Variants in HACD2 observed in about 807,000 individuals in gnomAD.
HACD2 encodes the protein very-long-chain (3R)-3-hydroxyacyl-CoA dehydratase 2.
HACD2 carries 15 observed loss-of-function variants against 31.0 expected under a neutral mutation model. That is an observed-to-expected ratio of 0.48 (90% CI 0.32 to 0.75). The LOEUF (loss-of-function observed/expected upper bound fraction) is 0.75. HACD2 is among the 30% of genes least tolerant of loss of function. The pLI is 0.03. For synonymous variants in HACD2, 115 were observed against 122.2 expected, an observed-to-expected ratio of 0.94 and a Z score of 0.39; for missense variants, 283 against 313.0, an observed-to-expected ratio of 0.90 and a Z score of 0.72.
At chr3:123,561,778 G>GA (rs374502470) in intron 3 of HACD2, among the ~76,000 whole-genome samples, 4,787 of 145,118 alleles carry the variant, frequency 0.033, 86 homozygotes, top group Middle Eastern at 0.091. Context: ...CAGTATTACG[G>GA]AAAAAAAAAA....
At chr3:123,584,615 A>C in intron 1 of HACD2, 8 of 293,902 alleles carry the variant, frequency 2.7e-5, no homozygotes, top group East Asian at 5.8e-5. Flanking sequence ...CTCGCGAGCC[A>C]GCGCCCGGCA....
intron 4 of HACD2, among the ~76,000 whole-genome samples, chr3:123,522,348 A>AAAG (rs1553757550): frequency 4.7e-5 from 7 of 149,992 alleles, no homozygotes; most frequent in East Asian, 3.9e-4. Context: ...AAAAAAAAAA[A>AAAG]AGAGAGAGAG....
At chr3:123,498,177 C>T (rs984026757) in intron 6 of HACD2, among the ~76,000 whole-genome samples, 1 of 152,196 alleles carries the variant, frequency 6.6e-6, no homozygotes, top group Non-Finnish European at 1.5e-5. Flanking sequence ...GTCTGTGTGC[C>T]ATCTTGAACC....
chr3:123,575,244 G>A (rs1006305597), intron 2 of HACD2, among the ~76,000 whole-genome samples: 1 of 151,974 alleles, frequency 6.6e-6, no homozygotes, highest in Non-Finnish European at 1.5e-5. Flanking sequence ...CGAGTAGCTA[G>A]GACTAATATG....
intron 4 of HACD2, among the ~76,000 whole-genome samples, chr3:123,526,641 A>ACT (rs2056287757): frequency 6.6e-6 from 1 of 152,176 alleles, no homozygotes; most frequent in Admixed American, 6.5e-5. Context: ...TGAGTATATA[A>ACT]CAAATTACTG....
chr3:123,526,533 CTTT>C (rs368974799), intron 4 of HACD2, among the ~76,000 whole-genome samples: 1 of 142,412 alleles, frequency 7.0e-6, no homozygotes. Context: ...TTTTCTTTTC[CTTT>C]TTTTTTTTGG....
intron 3 of HACD2, among the ~76,000 whole-genome samples, chr3:123,552,252 G>C (rs2056627893): frequency 6.6e-6 from 1 of 152,166 alleles, no homozygotes; most frequent in South Asian, 2.1e-4. Context: ...AAACGGCATT[G>C]CTTCTAAGGA....
intron 4 of HACD2, among the ~76,000 whole-genome samples, chr3:123,509,751 G>A (rs528457964): frequency 7.9e-5 from 12 of 152,058 alleles, no homozygotes; most frequent in Admixed American, 2.0e-4. Flanking sequence ...CGCCCGCCTC[G>A]GCCTCCTAAA....
intron 3 of HACD2, among the ~76,000 whole-genome samples, chr3:123,554,440 A>ATGTGCT (rs2056653215): frequency 6.6e-6 from 1 of 152,126 alleles, no homozygotes; most frequent in Non-Finnish European, 1.5e-5. Context: ...GTCCAAGGCT[A>ATGTGCT]AAGTGTGCTA....
At chr3:123,545,758 C>T (rs1202796487) in intron 3 of HACD2, among the ~76,000 whole-genome samples, 6 of 149,866 alleles carry the variant, frequency 4.0e-5, no homozygotes, top group African/African-American at 1.5e-4. Context: ...GTCGCTCAGG[C>T]TGGAGTGCAG....
chr3:123,546,624 T>C, intron 3 of HACD2, among the ~76,000 whole-genome samples: 1 of 152,158 alleles, frequency 6.6e-6, no homozygotes, highest in East Asian at 1.9e-4. Context: ...CTAAGGATAG[T>C]AGAGCAGAAA....
chr3:123,554,986 A>G (rs987857259), intron 3 of HACD2, among the ~76,000 whole-genome samples: 13 of 152,262 alleles, frequency 8.5e-5, no homozygotes, highest in Admixed American at 3.9e-4. Context: ...AAAATTAGAA[A>G]CACATTAATA....
At chr3:123,579,086 T>A (rs997267992) in intron 2 of HACD2, among the ~76,000 whole-genome samples, 1 of 152,204 alleles carries the variant, frequency 6.6e-6, no homozygotes, top group Non-Finnish European at 1.5e-5. Flanking sequence ...ATTTGTCACT[T>A]AATTGGTTCT....
chr3:123,509,033 T>C (rs2056015763), intron 4 of HACD2, among the ~76,000 whole-genome samples: 1 of 152,064 alleles, frequency 6.6e-6, no homozygotes, highest in Non-Finnish European at 1.5e-5. Flanking sequence ...CCAAATACCA[T>C]CGCGCTGGGG....
chr3:123,553,954 A>C (rs1336366636), intron 3 of HACD2, among the ~76,000 whole-genome samples: 2 of 149,700 alleles, frequency 1.3e-5, no homozygotes, highest in African/African-American at 2.4e-5. Context: ...TAAAAGAATA[A>C]TATATATTAT....
intron 3 of HACD2, among the ~76,000 whole-genome samples, chr3:123,550,667 C>A (rs572219855): frequency 2.6e-4 from 40 of 152,138 alleles, no homozygotes; most frequent in African/African-American, 9.2e-4. Context: ...GAGAGCAGGT[C>A]GGGGAACAAT....
chr3:123,494,621 TCC>T lies in HACD2; in HGVS notation c.*265_*266del, dbSNP rs2055810225. 1 of 470,216 alleles carries T rather than the reference TCC, an allele frequency of 2.1e-6. No homozygotes were observed. Among genetic ancestry groups the T allele is most frequent in the Admixed American group, 4.0e-5 (1 of 25,304 alleles). The allele number at this position is 470,216 out of a possible 1,614,324, so 29.1% of individuals were successfully genotyped here. A position where few individuals can be genotyped will look rare whatever the true frequency, so the allele number is the denominator to read the frequency against. On this transcript the variant is annotated 3_prime_UTR_variant, in exon 7 of 7. Coordinates refer to ENST00000383657, the MANE Select transcript of HACD2 (RefSeq NM_198402.5). ...ACACAGAAGGACATAAAATGCCAAA[TCC>T]CTTTCTAGTGCCATCATAAATATTA...
At chr3:123,558,486 A>T (rs1193103111) in intron 3 of HACD2, among the ~76,000 whole-genome samples, 1 of 152,160 alleles carries the variant, frequency 6.6e-6, no homozygotes, top group Non-Finnish European at 1.5e-5. Flanking sequence ...TGATAATGGG[A>T]GACTATGCAT....
Position 123,502,549 on chromosome 3 carries a change from T to G in HACD2, c.503+11A>C. 2.5e-6 allele frequency: 4 copies of G among 1,610,494 alleles called. No homozygotes were observed. Among genetic ancestry groups the G allele is most frequent in the Non-Finnish European group, 3.4e-6 (4 of 1,177,982 alleles). On this transcript the variant is annotated intron_variant, in intron 5 of 6. Transcript: ENST00000383657. ...TTTCAAAAGTGAGCCTTTTGAAATGTGCTTTTTTACCTGGCCCATTTGATG... is the reference window on the plus strand; with the variant it reads ...TTTCAAAAGTGAGCCTTTTGAAATGGGCTTTTTTACCTGGCCCATTTGATG...
Sources: allele counts gnomAD v4.1 joint callset (sites outside exome capture counted in the v4.1 genomes callset), GRCh38; gene constraint gnomAD v4.1.1; transcripts MANE v1.5; gene names NCBI Gene and HGNC (gene_info 2026-07-23, HGNC 2026-07-21).